The following JPH3 variants were observed in gnomAD, a reference collection of about 807,000 sequenced individuals.
JPH3 encodes junctophilin 3, also known as junctophilin-3.
A neutral mutation model predicts 59.6 loss-of-function variants in JPH3; 11 were observed. That is an observed-to-expected ratio of 0.18 (90% CI 0.12 to 0.31). JPH3 has a LOEUF of 0.31. Among genes scored for constraint, JPH3 ranks in the 10% least tolerant of loss-of-function variants. The pLI is 1.00. For missense variants in JPH3, 1,202 were observed against 1,105.7 expected, an observed-to-expected ratio of 1.09 and a Z score of -1.24; for synonymous variants, 673 against 483.6, an observed-to-expected ratio of 1.39 and a Z score of -5.14.
At chr16:87,665,862 C>G (rs12444421) in intron 2 of JPH3, among the ~76,000 whole-genome samples, 1 of 152,094 alleles carries the variant, frequency 6.6e-6, no homozygotes, top group Non-Finnish European at 1.5e-5. Context: ...AACACTGGTC[C>G]CTGGGACACA....
At chr16:87,625,177 C>T (rs960127522) in intron 1 of JPH3, among the ~76,000 whole-genome samples, 4 of 152,234 alleles carry the variant, frequency 2.6e-5, no homozygotes, top group African/African-American at 9.6e-5. Context: ...TAAAAAGAGA[C>T]TTCTGGAAGC....
At chr16:87,665,042 C>T (rs530836787) in intron 2 of JPH3, among the ~76,000 whole-genome samples, 4 of 152,252 alleles carry the variant, frequency 2.6e-5, no homozygotes, top group African/African-American at 9.6e-5. Context: ...GGTCGGTGCT[C>T]CTTGAACGGA....
chr16:87,648,563 C>T (rs1301678921), intron 2 of JPH3, among the ~76,000 whole-genome samples: 1 of 152,138 alleles, frequency 6.6e-6, no homozygotes, highest in African/African-American at 2.4e-5. Context: ...AGCAGCTCTG[C>T]AGGGAAGGGA....
chr16:87,690,427 G>C lies in JPH3; in HGVS notation c.2067G>C (p.Arg689=), dbSNP rs779806286. 5 of 1,498,308 alleles carry C rather than the reference G, an allele frequency of 3.3e-6. No homozygotes were observed. The highest frequency in any genetic ancestry group is 2.4e-5 in the Admixed American group (1 of 41,576). The allele number at this position is 1,498,308 out of a possible 1,614,324, so 92.8% of individuals were successfully genotyped here. The change falls in exon 4 of 5, where the codon CGG becomes CGC. Residue 689 remains arginine (R), a synonymous_variant. Coordinates refer to ENST00000284262, the MANE Select transcript of JPH3 (RefSeq NM_020655.4). ...TGCGGCTGGGCGGGGCCGAGCCCCGGTTGCTGCGTTGGGACTTGACCTTCT... is the reference window on the plus strand; with the variant it reads ...TGCGGCTGGGCGGGGCCGAGCCCCGCTTGCTGCGTTGGGACTTGACCTTCT... ...ASLRLGGAEP[R]LLRWDLTFSP...
rs1335591473 is a variant in JPH3 at position 87,644,539 on chromosome 16, G to A, written c.664G>A (p.Gly222Arg). ...GCTGTTTCGGCGCTCGCTGCTGAGTGGGCTGAAGCTGCGCAAGTCGGAGTC... is the reference window on the plus strand; with the variant it reads ...GCTGTTTCGGCGCTCGCTGCTGAGTAGGCTGAAGCTGCGCAAGTCGGAGTC... Reference protein sequence around the residue: ...KGLFRRSLLSGLKLRKSESKS... With the variant: ...KGLFRRSLLSRLKLRKSESKS... Residue 222 changes from glycine (G) to arginine (R), a missense_variant, in exon 2 of 5, where the codon GGG (glycine) becomes AGG (arginine). Gly to Arg is a moderately radical substitution (Grantham distance 125). Transcript: ENST00000284262. 3.1e-6 allele frequency: 5 copies of A among 1,612,730 alleles called. No homozygotes were observed. The highest frequency in any genetic ancestry group is 2.2e-5 in the East Asian group (1 of 44,816).
chr16:87,694,462 C>T (rs1420547441), intron 4 of JPH3: 1 of 152,236 alleles, frequency 6.6e-6, no homozygotes, highest in Admixed American at 6.5e-5. Flanking sequence ...ATGTGGCATC[C>T]AGGCTAGGCA....
rs2030716245 is a variant in JPH3, at chr16:87,611,117, A to G, written c.382+7589A>G. On this transcript the variant is annotated intron_variant, in intron 1 of 4. Transcript: ENST00000284262. The surrounding 1 kb of genome is among the most constrained non-coding windows in gnomAD (Gnocchi z 4.5). ...TGGTAACGTGGAAGATTGGAAAAAAAGAAACAAACACATAAAAATGAAAAT... is the reference window on the plus strand; with the variant it reads ...TGGTAACGTGGAAGATTGGAAAAAAGGAAACAAACACATAAAAATGAAAAT... 6.6e-6 allele frequency among the ~76,000 whole-genome samples: 1 copy of G among 152,258 alleles called. No homozygotes were observed. The highest frequency in any genetic ancestry group is 1.5e-5 in the Non-Finnish European group (1 of 68,046).
At position 87,619,450 on chromosome 16, in the gene JPH3, G is replaced by A. The variant is rs151068390; in HGVS notation, c.382+15922G>A. 2.9e-3 allele frequency among the ~76,000 whole-genome samples: 440 copies of A among 152,330 alleles called. 2 individuals are homozygous for A. Among genetic ancestry groups the A allele is most frequent in the African/African-American group, 0.01 (422 of 41,578 alleles). On this transcript the variant is annotated intron_variant, in intron 1 of 4. Transcript: ENST00000284262. ...TGGCTGCAGGCTGCCTGCTCCGTTG[G>A]AGGTTGGACTTCTGAGATAAACTGC... is the stretch of plus-strand genomic sequence containing the variant.
chr16:87,619,314 A>AG (rs2031085774), intron 1 of JPH3, among the ~76,000 whole-genome samples: 1 of 26,528 alleles, frequency 3.8e-5, no homozygotes, highest in African/African-American at 1.2e-4. Context: ...CCCTGTCTTA[A>AG]GAAAAAAAAA....
chr16:87,648,260 A>G (rs2032217712), intron 2 of JPH3, among the ~76,000 whole-genome samples: 1 of 151,676 alleles, frequency 6.6e-6, no homozygotes, highest in Non-Finnish European at 1.5e-5. Flanking sequence ...AAGGAAAAAA[A>G]GGAGGGAAGA....
rs1216300218 is a variant in JPH3, at chr16:87,602,585, T to C, written c.-562T>C. ...GCCGCCCGAGCCGCCGCATTGCTGC[T>C]GCTGCTGCCGCCGCCGCCCCGCGCC... On this transcript the variant is annotated 5_prime_UTR_variant, in exon 1 of 5. Coordinates refer to ENST00000284262, the MANE Select transcript of JPH3 (RefSeq NM_020655.4). 1.4e-5 allele frequency among the ~76,000 whole-genome samples: 2 copies of C among 138,166 alleles called. No homozygotes were observed. The highest frequency in any genetic ancestry group is 3.2e-5 in the Non-Finnish European group (2 of 63,022). 90.6% of individuals were successfully genotyped at this position (138,166 alleles called of 152,430 possible).
intron 2 of JPH3, chr16:87,654,897 G>C (rs1199276925): frequency 6.6e-6 from 1 of 152,270 alleles, no homozygotes; most frequent in African/African-American, 2.4e-5. Context: ...ATGTCCACTG[G>C]TCACCTGGTG....
chr16:87,640,558 T>C (rs1334306482), intron 1 of JPH3, among the ~76,000 whole-genome samples: 2 of 151,598 alleles, frequency 1.3e-5, no homozygotes, highest in Non-Finnish European at 2.9e-5. Flanking sequence ...GCCTAGCTAG[T>C]TTTTTTGTAT....
rs142776011 is a variant in JPH3, at chr16:87,638,760, C to T, written c.383-5498C>T. Among the ~76,000 whole-genome samples the T allele has an allele frequency of 7.7e-4, 117 of 152,280 alleles. 1 individual carries two copies. In the East Asian group the frequency reaches 0.017, roughly 23 times the overall value. On this transcript the variant is annotated intron_variant, in intron 1 of 4. Coordinates refer to ENST00000284262, the MANE Select transcript of JPH3 (RefSeq NM_020655.4). ...TGCTTCCCCTCCTGTAGAATGGGAA[C>T]GACAACATCCAGCCATAGAGTGCTG...
chr16:87,635,009 A>T (rs1671787042), intron 1 of JPH3, among the ~76,000 whole-genome samples: 1 of 152,156 alleles, frequency 6.6e-6, no homozygotes, highest in African/African-American at 2.4e-5. Flanking sequence ...GCCTGCATGG[A>T]GCCATGGAAA....
At chr16:87,647,899 G>T (rs959169342) in intron 2 of JPH3, among the ~76,000 whole-genome samples, 1 of 152,220 alleles carries the variant, frequency 6.6e-6, no homozygotes. Context: ...TCTGAGACCC[G>T]CAGACCCACA....
chr16:87,661,923 C>T (rs923897924), intron 2 of JPH3, among the ~76,000 whole-genome samples: 1 of 152,240 alleles, frequency 6.6e-6, no homozygotes, highest in Non-Finnish European at 1.5e-5. Flanking sequence ...TGCTGAGGGG[C>T]ACGTACGCCA....
intron 1 of JPH3, among the ~76,000 whole-genome samples, chr16:87,623,333 G>A (rs543233546): frequency 1.3e-5 from 2 of 152,316 alleles, no homozygotes; most frequent in East Asian, 3.9e-4. Context: ...TTCCTCCCTG[G>A]CTGGCTGCTC....
chr16:87,672,885 C>G (rs1026483000), intron 2 of JPH3, among the ~76,000 whole-genome samples: 16 of 152,218 alleles, frequency 1.1e-4, no homozygotes, highest in African/African-American at 3.6e-4. Flanking sequence ...TGGCTTGTGC[C>G]TATAATCTCA....
Sources: gnomAD v4.1 joint callset for allele counts (sites outside exome capture counted in the v4.1 genomes callset) on GRCh38, gnomAD v4.1.1 for gene constraint, Gnocchi (gnomAD v3.1) non-coding constraint, MANE v1.5 for transcripts, NCBI Gene and HGNC (gene_info 2026-07-23, HGNC 2026-07-21) for gene names.